The following NCKAP5 variants were observed in gnomAD, a reference collection of about 807,000 sequenced individuals.
NCKAP5 encodes nck-associated protein 5.
Under a neutral mutation model 167.0 loss-of-function variants are expected in NCKAP5, and 92 were observed. The observed-to-expected ratio is 0.55, with a 90% CI of 0.47 to 0.66. The LOEUF is 0.66. Ranked by LOEUF, NCKAP5 falls within the 30% of genes least tolerant of loss-of-function variation. NCKAP5 has a pLI of 0.00. For missense variants in NCKAP5, 2,378 were observed against 2,315.0 expected (o/e 1.03, Z -0.56); for synonymous variants, 891 against 877.4 (o/e 1.02, Z -0.27).
At chr2:133,619,097 T>C in the NCKAP5 span, among the ~76,000 whole-genome samples, 7 of 130,050 alleles carry the variant, frequency 5.4e-5, no homozygotes, top group East Asian at 6.5e-4. Context: ...TAGGTGGGAA[T>C]TGAACAATGA....
intron 3 of NCKAP5, among the ~76,000 whole-genome samples, chr2:133,433,079 C>T (rs999961838): frequency 1.7e-4 from 26 of 152,238 alleles, no homozygotes; most frequent in East Asian, 1.5e-3. Context: ...ACACAGAAAA[C>T]AGTTTTGACC....
At chr2:133,201,973 T>A (rs547006473) in intron 5 of NCKAP5, among the ~76,000 whole-genome samples, 1 of 152,286 alleles carries the variant, frequency 6.6e-6, no homozygotes, top group South Asian at 2.1e-4. Context: ...AGGTAATTTA[T>A]AGATTCAATG....
intron 5 of NCKAP5, among the ~76,000 whole-genome samples, chr2:133,153,678 G>C (rs2083460253): frequency 6.6e-6 from 1 of 151,752 alleles, no homozygotes; most frequent in Admixed American, 6.6e-5. Context: ...ACTCTCTCCT[G>C]TGTCCACTGT....
At position 133,382,484 on chromosome 2, in the gene NCKAP5, A is replaced by G. The variant is rs1414176956; in HGVS notation, c.70-79374T>C. Among the ~76,000 whole-genome samples, 9 of 152,106 alleles carry G rather than the reference A, an allele frequency of 5.9e-5. No homozygotes were observed. In the East Asian group the frequency reaches 1.7e-3, roughly 29 times the overall value. On this transcript the variant is annotated intron_variant, in intron 3 of 19. Coordinates refer to ENST00000409261, the MANE Select transcript of NCKAP5 (RefSeq NM_207363.3). ...TCCCTACAGGATCTGACCGCTGTCT[A>G]CGTCTCCTGCCTCACCCCTTAACTC...
Position 132,784,407 on chromosome 2 carries a change from T to C in NCKAP5, c.2404A>G (p.Lys802Glu). The C allele has an allele frequency of 1.2e-6, 2 of 1,613,308 alleles. No individual in the cohort carries two copies. The highest frequency in any genetic ancestry group is 4.5e-5 in the East Asian group (2 of 44,868). Reference sequence around the variant, plus strand: ...GAAGACTTGCCCCTGGGAGGTATTTTTGTCAGATTTTGCTTTTGATAGATG... The same window carrying C: ...GAAGACTTGCCCCTGGGAGGTATTTCTGTCAGATTTTGCTTTTGATAGATG... ...MGIYQKQNLT[K>E]IPPRGKSSPQ... Residue 802 changes from lysine (K) to glutamate (E), a missense_variant, in exon 14 of 20, where the codon AAA becomes GAA. By Grantham distance (56) the Lys-to-Glu change is moderately conservative. Around this residue, in one of 3 missense-constraint regions of NCKAP5, gnomAD observed 1,049 missense variants for 1,023.4 expected, o/e 1.02. Transcript: ENST00000409261.
At chr2:132,954,434 G>A (rs1025323786) in intron 8 of NCKAP5, among the ~76,000 whole-genome samples, 1 of 152,136 alleles carries the variant, frequency 6.6e-6, no homozygotes, top group African/African-American at 2.4e-5. Context: ...TGCTTTAAAA[G>A]ATAATGGTAT....
At chr2:133,268,760 G>A (rs1279207511) in intron 4 of NCKAP5, among the ~76,000 whole-genome samples, 3 of 152,252 alleles carry the variant, frequency 2.0e-5, no homozygotes, top group East Asian at 3.9e-4. Flanking sequence ...GTGAGCCACC[G>A]CACCCGGCCG....
chr2:133,437,277 C>T lies in NCKAP5; in HGVS notation c.69+80181G>A, dbSNP rs545859871. Among the ~76,000 whole-genome samples the T allele has an allele frequency of 8.6e-5, 13 of 151,758 alleles. 1 individual carries two copies. The East Asian group carries it at 1.2e-3, about 14-fold the overall frequency. ...CTGAGGCAGGAGAATCGCTTGAACC[C>T]GAGAGGCAGAGGTTGCAGTGAGCCG... On this transcript the variant is annotated intron_variant, in intron 3 of 19. Transcript: ENST00000409261.
intron 5 of NCKAP5, among the ~76,000 whole-genome samples, chr2:133,145,360 G>A (rs2083153265): frequency 6.6e-6 from 1 of 152,064 alleles, no homozygotes; most frequent in Non-Finnish European, 1.5e-5. Context: ...GTTAAGAGGA[G>A]GGAGAGCATT....
At chr2:133,052,814 G>A (rs576904676) in intron 6 of NCKAP5, among the ~76,000 whole-genome samples, 1 of 151,522 alleles carries the variant, frequency 6.6e-6, no homozygotes, top group Non-Finnish European at 1.5e-5. Context: ...ATAAACAATT[G>A]TTTATCAACA....
chr2:133,318,339 C>T (rs543267995), intron 3 of NCKAP5, among the ~76,000 whole-genome samples: 1 of 152,270 alleles, frequency 6.6e-6, no homozygotes, highest in South Asian at 2.1e-4. Flanking sequence ...CAATCTGTTT[C>T]TTGGCTTCTT....
At chr2:132,730,940 A>T (rs1478230638) in intron 17 of NCKAP5, among the ~76,000 whole-genome samples, 1 of 152,250 alleles carries the variant, frequency 6.6e-6, no homozygotes, top group Non-Finnish European at 1.5e-5. Flanking sequence ...TATAATTAAA[A>T]GTCTCCTTTT....
chr2:132,925,250 C>T (rs1005299325), intron 8 of NCKAP5, among the ~76,000 whole-genome samples: 1 of 151,996 alleles, frequency 6.6e-6, no homozygotes, highest in Non-Finnish European at 1.5e-5. Context: ...ATAAAGTTTG[C>T]ACTCCTATAA....
the NCKAP5 span, among the ~76,000 whole-genome samples, chr2:133,609,062 T>G: frequency 6.6e-6 from 1 of 152,262 alleles, no homozygotes; most frequent in Non-Finnish European, 1.5e-5. Context: ...CCCTTAAGGA[T>G]ACTTTCCTTT....
chr2:133,256,884 T>C (rs2088644715), intron 4 of NCKAP5, among the ~76,000 whole-genome samples: 1 of 152,178 alleles, frequency 6.6e-6, no homozygotes, highest in African/African-American at 2.4e-5. Flanking sequence ...CAGAAGACCA[T>C]TTAATCTTGG....
At chr2:133,523,102 A>G (rs1009771860) in intron 2 of NCKAP5, among the ~76,000 whole-genome samples, 4 of 126,390 alleles carry the variant, frequency 3.2e-5, no homozygotes, top group African/African-American at 1.2e-4. Flanking sequence ...GGCCTTAATA[A>G]CTCTTTTTTT....
chr2:133,473,363 T>C (rs192161772), intron 3 of NCKAP5, among the ~76,000 whole-genome samples: 163 of 152,292 alleles, frequency 1.1e-3, no homozygotes, highest in African/African-American at 3.3e-3. Flanking sequence ...TTTAGCTTTT[T>C]ATTGGCTACA....
chr2:132,835,189 T>A (rs1475160225), intron 11 of NCKAP5, among the ~76,000 whole-genome samples: 1 of 152,218 alleles, frequency 6.6e-6, no homozygotes, highest in East Asian at 1.9e-4. Flanking sequence ...TATCATCCCT[T>A]TGATGTGCTG....
chr2:132,748,154 G>A (rs1445657367), intron 16 of NCKAP5, among the ~76,000 whole-genome samples: 1 of 152,168 alleles, frequency 6.6e-6, no homozygotes, highest in African/African-American at 2.4e-5. Flanking sequence ...CTGTTATCAG[G>A]AGGTTTTAGT....
Sources: gnomAD v4.1 joint callset for allele counts (sites outside exome capture counted in the v4.1 genomes callset) on GRCh38, gnomAD v4.1.1 for gene constraint, gnomAD v4.1.1 regional missense constraint, MANE v1.5 for transcripts, NCBI Gene and HGNC (gene_info 2026-07-23, HGNC 2026-07-21) for gene names.